PRKCA: variants seen among roughly 807,000 people sequenced by gnomAD.
The protein encoded by PRKCA is protein kinase C alpha, also known as protein kinase C alpha type.
Under a neutral mutation model 87.0 loss-of-function variants are expected in PRKCA, and 27 were observed. The observed-to-expected ratio is 0.31, with a 90% CI of 0.23 to 0.43. The LOEUF is 0.43. Ranked by LOEUF, PRKCA falls within the 20% of genes least tolerant of loss-of-function variation. PRKCA has a pLI of 1.00. For missense variants in PRKCA, 518 were observed against 852.3 expected (o/e 0.61, Z 4.88); for synonymous variants, 329 against 311.1 (o/e 1.06, Z -0.61).
chr17:66,409,033 CAAAAAAAAAAA>C (rs10661202), intron 2 of PRKCA, among the ~76,000 whole-genome samples: 1 of 76,994 alleles, frequency 1.3e-5, no homozygotes, highest in Non-Finnish European at 2.3e-5. Flanking sequence ...TCCCCAGTCT[CAAAAAAAAAAA>C]AAAAAAAAAA....
chr17:66,349,849 T>G (rs972640276), intron 2 of PRKCA, among the ~76,000 whole-genome samples: 2 of 152,178 alleles, frequency 1.3e-5, no homozygotes, highest in Non-Finnish European at 2.9e-5. Context: ...CGTTAATGTC[T>G]TCTGTGTGTG....
intron 8 of PRKCA, among the ~76,000 whole-genome samples, chr17:66,693,429 C>G (rs1972832328): frequency 1.3e-5 from 2 of 152,194 alleles, no homozygotes; most frequent in Admixed American, 1.3e-4. Flanking sequence ...GCTAAGCAGA[C>G]AGTTCCTGCT....
chr17:66,369,940 GC>G (rs1406714568), intron 2 of PRKCA, among the ~76,000 whole-genome samples: 1 of 152,228 alleles, frequency 6.6e-6, no homozygotes, highest in African/African-American at 2.4e-5. Flanking sequence ...GCCAAGCACT[GC>G]AGGTATTTCT....
At chr17:66,565,342 A>C (rs1009432286) in intron 3 of PRKCA, among the ~76,000 whole-genome samples, 1 of 152,138 alleles carries the variant, frequency 6.6e-6, no homozygotes, top group Non-Finnish European at 1.5e-5. Flanking sequence ...CTAAAGTTCA[A>C]TTTGCATTGT....
intron 2 of PRKCA, among the ~76,000 whole-genome samples, chr17:66,410,843 T>C (rs1028970114): frequency 3.9e-5 from 6 of 152,230 alleles, no homozygotes; most frequent in Non-Finnish European, 7.3e-5. Flanking sequence ...CCCAAAGTGC[T>C]GGGATTACAG....
chr17:66,396,740 T>A (rs1178900696), intron 2 of PRKCA, among the ~76,000 whole-genome samples: 1 of 151,264 alleles, frequency 6.6e-6, no homozygotes, highest in African/African-American at 2.4e-5. Flanking sequence ...GTGATTCTCC[T>A]GCCTCAGCCT....
At chr17:66,731,016 C>T (rs564202219) in intron 8 of PRKCA, among the ~76,000 whole-genome samples, 9 of 152,242 alleles carry the variant, frequency 5.9e-5, no homozygotes, top group Non-Finnish European at 8.8e-5. Flanking sequence ...GAAAGAGCTC[C>T]AGAGCTAAGG....
intron 5 of PRKCA, among the ~76,000 whole-genome samples, chr17:66,675,954 C>T (rs1461619619): frequency 6.6e-6 from 1 of 152,174 alleles, no homozygotes; most frequent in Non-Finnish European, 1.5e-5. Flanking sequence ...CCCTAAACCC[C>T]TTGCCTTATT....
chr17:66,553,384 G>T (rs1235301366), intron 3 of PRKCA, among the ~76,000 whole-genome samples: 1 of 152,170 alleles, frequency 6.6e-6, no homozygotes, highest in African/African-American at 2.4e-5. Flanking sequence ...AAGATCTTTG[G>T]TAGGTAGTTT....
At chr17:66,798,818 ATGGTGG>A (rs1975776320) in intron 16 of PRKCA, among the ~76,000 whole-genome samples, 7 of 1,198 alleles carry the variant, frequency 5.8e-3, no homozygotes, top group Admixed American at 0.012. Context: ...GGTGGTGGTG[ATGGTGG>A]TGGTGGTGAT....
chr17:66,559,653 T>C (rs1252298452), intron 3 of PRKCA, among the ~76,000 whole-genome samples: 15 of 152,078 alleles, frequency 9.9e-5, no homozygotes, highest in Admixed American at 9.8e-4. Context: ...AATGATGGAC[T>C]TATAAGTCTT....
chr17:66,712,278 T>C (rs9894916), intron 8 of PRKCA, among the ~76,000 whole-genome samples: 95,603 of 152,046 alleles, frequency 0.63, 30,207 homozygotes, highest in Middle Eastern at 0.68. Flanking sequence ...AACACCTCCA[T>C]TCTGATGGAA....
intron 3 of PRKCA, among the ~76,000 whole-genome samples, chr17:66,590,928 G>T (rs72845941): frequency 6.6e-6 from 1 of 151,818 alleles, no homozygotes; most frequent in Non-Finnish European, 1.5e-5. Flanking sequence ...GGAACCCACC[G>T]CCGCAGCTTA....
At chr17:66,696,277 A>G (rs2144070855) in intron 8 of PRKCA, 1 of 152,368 alleles carries the variant, frequency 6.6e-6, no homozygotes, top group South Asian at 2.1e-4. Context: ...CCTGGGACAG[A>G]TTACTCAATG....
At chr17:66,493,297 T>TTGTGTGTG (rs61513917) in intron 2 of PRKCA, among the ~76,000 whole-genome samples, 3,583 of 143,104 alleles carry the variant, frequency 0.025, 90 homozygotes, top group African/African-American at 0.066. Context: ...GTAGGTATAT[T>TTGTGTGTG]TGTGTGTGTG....
chr17:66,526,629 C>G (rs891341624), intron 3 of PRKCA, among the ~76,000 whole-genome samples: 7 of 152,126 alleles, frequency 4.6e-5, no homozygotes, highest in African/African-American at 1.4e-4. Flanking sequence ...GTCGTTACTT[C>G]TGTCTCATTA....
chr17:66,431,871 A>C (rs1031918576), intron 2 of PRKCA, among the ~76,000 whole-genome samples: 3 of 152,212 alleles, frequency 2.0e-5, no homozygotes, highest in African/African-American at 7.2e-5. Flanking sequence ...AGCAAGGCCA[A>C]ATTGGCACTG....
At chr17:66,675,639 G>C (rs928714388) in intron 5 of PRKCA, among the ~76,000 whole-genome samples, 2 of 152,162 alleles carry the variant, frequency 1.3e-5, no homozygotes, top group African/African-American at 4.8e-5. Flanking sequence ...AGAGAGAATG[G>C]AGAATGCCCA....
intron 8 of PRKCA, among the ~76,000 whole-genome samples, chr17:66,713,049 C>CTTTTTTTTTTTTTTTT (rs564655403): frequency 1.9e-5 from 2 of 104,432 alleles, no homozygotes; most frequent in African/African-American, 3.8e-5. Context: ...CTTTGTTGTC[C>CTTTTTTTTTTTTTTTT]TTTTTTTTTT....
Sources: allele counts gnomAD v4.1 joint callset (sites outside exome capture counted in the v4.1 genomes callset), GRCh38; gene constraint gnomAD v4.1.1; transcripts MANE v1.5; gene names NCBI Gene and HGNC (gene_info 2026-07-23, HGNC 2026-07-21).